HS6ST3: variants seen among roughly 807,000 people sequenced by gnomAD.
HS6ST3 encodes heparan-sulfate 6-O-sulfotransferase 3.
Under a neutral mutation model 36.7 loss-of-function variants are expected in HS6ST3, and 12 were observed. The ratio of observed to expected loss-of-function variants is 0.33; its 90% CI spans 0.21 to 0.53. The LOEUF is 0.53. HS6ST3 is among the 20% of genes least tolerant of loss of function. The pLI is 0.95. For synonymous variants in HS6ST3, 240 were observed against 257.5 expected, an observed-to-expected ratio of 0.93 and a Z score of 0.65; for missense variants, 584 against 640.9, an observed-to-expected ratio of 0.91 and a Z score of 0.96.
At chr13:96,486,879 G>A (rs189475082) in intron 1 of HS6ST3, among the ~76,000 whole-genome samples, 25 of 152,186 alleles carry the variant, frequency 1.6e-4, no homozygotes, top group Admixed American at 3.9e-4. Context: ...GCGTTATTCC[G>A]TAGCAAAAAT....
intron 1 of HS6ST3, among the ~76,000 whole-genome samples, chr13:96,327,775 TG>T (rs2055041028): frequency 6.6e-6 from 1 of 152,084 alleles, no homozygotes; most frequent in South Asian, 2.1e-4. Flanking sequence ...TTGGGCAGTA[TG>T]GCCATTTTCA....
At chr13:96,728,091 C>T (rs1876051336) in intron 1 of HS6ST3, among the ~76,000 whole-genome samples, 1 of 152,064 alleles carries the variant, frequency 6.6e-6, no homozygotes, top group South Asian at 2.1e-4. Flanking sequence ...CCCACCTACC[C>T]CACTGCTTGG....
Position 96,827,528 on chromosome 13 carries a change from A to G in HS6ST3, c.708-4962A>G, listed in dbSNP as rs1878674827. Among the ~76,000 whole-genome samples, 3 of 150,924 alleles carry G rather than the reference A, an allele frequency of 2.0e-5. No individual in the cohort carries two copies. The South Asian group carries it at 6.3e-4, about 32-fold the overall frequency. ...TATGTCTGTCTAAAGTGATTTCCAG[A>G]TGCTTTTAGCCACTCAGATTCAGAA... On this transcript the variant is annotated intron_variant, in intron 1 of 1. Coordinates refer to ENST00000376705, the MANE Select transcript of HS6ST3 (RefSeq NM_153456.4).
chr13:96,146,759 G>A (rs898502881), intron 1 of HS6ST3, among the ~76,000 whole-genome samples: 1 of 152,234 alleles, frequency 6.6e-6, no homozygotes. Flanking sequence ...ACATTTCTTG[G>A]AAAAATTGTT....
At chr13:96,123,343 T>C (rs373119693) in intron 1 of HS6ST3, among the ~76,000 whole-genome samples, 3 of 152,344 alleles carry the variant, frequency 2.0e-5, no homozygotes, top group East Asian at 3.9e-4. Flanking sequence ...ATTATTCAAG[T>C]GCAATAGATT....
chr13:96,505,288 A>G (rs774616647), intron 1 of HS6ST3, among the ~76,000 whole-genome samples: 1 of 152,170 alleles, frequency 6.6e-6, no homozygotes, highest in Non-Finnish European at 1.5e-5. Context: ...TTTCAAAAGC[A>G]CTAATGAGAA....
intron 1 of HS6ST3, among the ~76,000 whole-genome samples, chr13:96,429,423 A>G (rs1331321196): frequency 4.6e-5 from 7 of 152,206 alleles, no homozygotes. Flanking sequence ...TGAAAACACT[A>G]ACAGTCTCAT....
intron 1 of HS6ST3, among the ~76,000 whole-genome samples, chr13:96,092,672 C>T (rs1363101728): frequency 6.7e-6 from 1 of 149,012 alleles, no homozygotes. Flanking sequence ...TCCCAGATAG[C>T]TTTTGCATTT....
intron 1 of HS6ST3, among the ~76,000 whole-genome samples, chr13:96,604,293 C>A (rs2056431232): frequency 6.6e-6 from 1 of 152,070 alleles, no homozygotes; most frequent in African/African-American, 2.4e-5. Flanking sequence ...TGAGTGGAAA[C>A]AATTTTCTAC....
chr13:96,734,810 T>C (rs1876242593), intron 1 of HS6ST3, among the ~76,000 whole-genome samples: 2 of 152,186 alleles, frequency 1.3e-5, no homozygotes, highest in African/African-American at 4.8e-5. Flanking sequence ...TTGATTCTCT[T>C]CGCCAGATCA....
At chr13:96,529,297 C>CA (rs982997289) in intron 1 of HS6ST3, among the ~76,000 whole-genome samples, 6 of 152,002 alleles carry the variant, frequency 3.9e-5, no homozygotes, top group Non-Finnish European at 7.4e-5. Context: ...CTACTGAAGA[C>CA]AAGGGTGTAT....
At chr13:96,111,426 A>T (rs2053867874) in intron 1 of HS6ST3, among the ~76,000 whole-genome samples, 1 of 152,246 alleles carries the variant, frequency 6.6e-6, no homozygotes, top group East Asian at 1.9e-4. Flanking sequence ...TGTGTGCCAG[A>T]CATCTAGGTA....
intron 1 of HS6ST3, among the ~76,000 whole-genome samples, chr13:96,218,810 T>C (rs1025915184): frequency 5.9e-5 from 9 of 152,174 alleles, no homozygotes; most frequent in African/African-American, 9.7e-5. Context: ...TCTTTTTCAA[T>C]TGAGGCCTGT....
At chr13:96,624,842 G>T (rs952906998) in intron 1 of HS6ST3, among the ~76,000 whole-genome samples, 1 of 152,076 alleles carries the variant, frequency 6.6e-6, no homozygotes, top group African/African-American at 2.4e-5. Flanking sequence ...CACAATTTTT[G>T]ATTCATTCTA....
At chr13:96,536,440 A>G (rs1161098921) in intron 1 of HS6ST3, among the ~76,000 whole-genome samples, 1 of 152,224 alleles carries the variant, frequency 6.6e-6, no homozygotes, top group Admixed American at 6.5e-5. Flanking sequence ...ACAACATAAA[A>G]ATAAGATGCT....
At chr13:96,440,938 A>G (rs923776450) in intron 1 of HS6ST3, among the ~76,000 whole-genome samples, 4 of 152,172 alleles carry the variant, frequency 2.6e-5, no homozygotes, top group Non-Finnish European at 5.9e-5. Context: ...GTCTCTTCCA[A>G]TTCTTATGTT....
intron 1 of HS6ST3, among the ~76,000 whole-genome samples, chr13:96,428,996 C>T (rs959345490): frequency 2.0e-5 from 3 of 152,186 alleles, no homozygotes; most frequent in Non-Finnish European, 4.4e-5. Flanking sequence ...GCCCATATTA[C>T]AGCTGTAAAA....
chr13:96,765,575 G>A (rs1461849013), intron 1 of HS6ST3, among the ~76,000 whole-genome samples: 2 of 141,568 alleles, frequency 1.4e-5, no homozygotes, highest in Non-Finnish European at 3.1e-5. Flanking sequence ...AGAGATGTAT[G>A]CGCTCTCTCT....
intron 1 of HS6ST3, among the ~76,000 whole-genome samples, chr13:96,669,627 G>T (rs1481830590): frequency 1.3e-5 from 2 of 152,096 alleles, no homozygotes; most frequent in African/African-American, 4.8e-5. Context: ...CCTACTCCTG[G>T]ATAGAAGTAA....
Sources: gnomAD v4.1 joint callset for allele counts (sites outside exome capture counted in the v4.1 genomes callset) on GRCh38, gnomAD v4.1.1 for gene constraint, MANE v1.5 for transcripts, NCBI Gene and HGNC (gene_info 2026-07-23, HGNC 2026-07-21) for gene names.